Variants in ITSN1 observed in about 807,000 individuals in gnomAD.
ITSN1 encodes intersectin-1.
Under a neutral mutation model 239.8 loss-of-function variants are expected in ITSN1, and 58 were observed. That is an observed-to-expected ratio of 0.24 (90% CI 0.20 to 0.30). The LOEUF is 0.30. ITSN1 is among the 10% of genes least tolerant of loss of function. ITSN1 has a pLI of 1.00. For missense variants in ITSN1, 1,558 were observed against 2,103.3 expected (o/e 0.74, Z 5.07); for synonymous variants, 780 against 770.8 (o/e 1.01, Z -0.20).
At position 33,875,553 on chromosome 21, in the gene ITSN1, C is replaced by A; in HGVS notation, c.4341+32C>A. 8 of 1,601,138 alleles carry A rather than the reference C, an allele frequency of 5.0e-6. No individual in the cohort carries two copies. In the South Asian group the frequency reaches 8.9e-5, roughly 18 times the overall value. ...AACCTTGGGGCTGGGCCCTGGTCTCCCCCGGCAGAGCCTCGCCTGCCAGCC... is the reference window on the plus strand; with the variant it reads ...AACCTTGGGGCTGGGCCCTGGTCTCACCCGGCAGAGCCTCGCCTGCCAGCC... On this transcript the variant is annotated intron_variant, in intron 34 of 39. Transcript: ENST00000381318.
chr21:33,665,060 C>T (rs1164341965), intron 1 of ITSN1, among the ~76,000 whole-genome samples: 4 of 152,158 alleles, frequency 2.6e-5, no homozygotes, highest in East Asian at 3.9e-4. Context: ...GTCAGGAGTT[C>T]GAGACCAGCC....
At chr21:33,686,864 T>G (rs563869922) in intron 1 of ITSN1, among the ~76,000 whole-genome samples, 1 of 152,338 alleles carries the variant, frequency 6.6e-6, no homozygotes, top group East Asian at 1.9e-4. Context: ...TCAGTTTTTT[T>G]GGGTTCTCAT....
Position 33,750,261 on chromosome 21 carries a change from G to GC in ITSN1, c.472dup (p.Leu158ProfsTer3), listed in dbSNP as rs751926247. On this transcript the variant is annotated frameshift_variant, in exon 6 of 40. Coordinates refer to ENST00000381318, the MANE Select transcript of ITSN1 (RefSeq NM_003024.3). LOFTEE classifies it high-confidence loss of function. ...TATCTTCTGTTCCCACAGCAGCTGTGCCCCCCCTGGCTAACGGGGCTCCCC... is the reference window on the plus strand; with the variant it reads ...TATCTTCTGTTCCCACAGCAGCTGTGCCCCCCCCTGGCTAACGGGGCTCCCC... The GC allele has an allele frequency of 1.9e-6, 3 of 1,613,838 alleles. No individual in the cohort carries two copies. The highest frequency in any genetic ancestry group is 2.5e-6 in the Non-Finnish European group (3 of 1,179,942).
chr21:33,693,713 C>T (rs1057153090), intron 1 of ITSN1, among the ~76,000 whole-genome samples: 1 of 152,162 alleles, frequency 6.6e-6, no homozygotes, highest in Admixed American at 6.5e-5. Context: ...ATATAGCACT[C>T]CTAATTTAAA....
rs140356385 is a variant in ITSN1, at chr21:33,695,015, C to G, written c.-32-23782C>G. Among the ~76,000 whole-genome samples, 75 of 152,182 alleles carry G rather than the reference C, an allele frequency of 4.9e-4. 2 individuals carry two copies. In the East Asian group the frequency reaches 0.012, roughly 25 times the overall value. ...TTTATTTGTAGAGATGAGGTCTTAC[C>G]ATCTTTCCCAGCTGGTCTCAGACTT... On this transcript the variant is annotated intron_variant, in intron 1 of 39. Coordinates refer to ENST00000381318, the MANE Select transcript of ITSN1 (RefSeq NM_003024.3).
intron 1 of ITSN1, among the ~76,000 whole-genome samples, chr21:33,651,622 G>C (rs2088542289): frequency 6.6e-6 from 1 of 152,238 alleles, no homozygotes; most frequent in East Asian, 1.9e-4. Context: ...CAAATTAATT[G>C]AGGTTATGAA....
At chr21:33,827,554 A>G (rs898432698) in intron 26 of ITSN1, among the ~76,000 whole-genome samples, 7 of 152,190 alleles carry the variant, frequency 4.6e-5, no homozygotes, top group African/African-American at 9.7e-5. Flanking sequence ...TTTCATAACA[A>G]TGCATTCCCA....
Position 33,885,164 on chromosome 21 carries a change from G to A in ITSN1, c.4759+41G>A, listed in dbSNP as rs755754293. 12 of 1,523,118 alleles carry A rather than the reference G, an allele frequency of 7.9e-6. No homozygotes were observed. In the Admixed American group the frequency reaches 2.0e-4, roughly 26 times the overall value. 94.4% of individuals were successfully genotyped at this position (1,523,118 alleles called of 1,614,324 possible). On this transcript the variant is annotated intron_variant, in intron 37 of 39. Coordinates refer to ENST00000381318, the MANE Select transcript of ITSN1 (RefSeq NM_003024.3). ...GCGGGGTGTCCTGCACAGCTGGGCA[G>A]GAGGGAGGGCCATTTGGCTGGGCTG...
intron 16 of ITSN1, among the ~76,000 whole-genome samples, chr21:33,792,412 G>A (rs2071211884): frequency 6.6e-6 from 1 of 152,120 alleles, no homozygotes; most frequent in South Asian, 2.1e-4. Flanking sequence ...CTCCGTGTTA[G>A]CCATGGTGGC....
At chr21:33,700,605 T>G (rs1390398929) in intron 1 of ITSN1, among the ~76,000 whole-genome samples, 1 of 152,204 alleles carries the variant, frequency 6.6e-6, no homozygotes, top group Non-Finnish European at 1.5e-5. Flanking sequence ...ATACCCTTTC[T>G]ACCAACAGTA....
chr21:33,837,182 G>A lies in ITSN1; in HGVS notation c.3661+550G>A, dbSNP rs550840363. 1.6e-5 allele frequency: 21 copies of A among 1,322,904 alleles called. No homozygotes were observed. In the South Asian group the frequency reaches 2.7e-4, roughly 17 times the overall value. 81.9% of individuals were successfully genotyped at this position (1,322,904 alleles called of 1,614,324 possible). ...CATTTTACCTTAGTTGCATGTGATCGCAATGTTTGAGTTATTACTTGCAGA... is the reference window on the plus strand; with the variant it reads ...CATTTTACCTTAGTTGCATGTGATCACAATGTTTGAGTTATTACTTGCAGA... On this transcript the variant is annotated intron_variant, in intron 29 of 39. Transcript: ENST00000381318.
chr21:33,767,906 G>A (rs1163561172), intron 11 of ITSN1, 78 bp downstream of exon 11: 3 of 768,864 alleles, frequency 3.9e-6, no homozygotes, highest in Non-Finnish European at 6.4e-6. Context: ...GACAAAGATA[G>A]AGGTAAACAT....
At chr21:33,666,393 G>A (rs2089932009) in intron 1 of ITSN1, among the ~76,000 whole-genome samples, 1 of 152,172 alleles carries the variant, frequency 6.6e-6, no homozygotes, top group Non-Finnish European at 1.5e-5. Flanking sequence ...TGTCTGAGAT[G>A]TCACTGAATT....
intron 1 of ITSN1, among the ~76,000 whole-genome samples, chr21:33,717,774 A>G (rs2065247697): frequency 6.6e-6 from 1 of 151,902 alleles, no homozygotes; most frequent in Non-Finnish European, 1.5e-5. Context: ...TTACCGTGTT[A>G]GCTAGGATGG....
Position 33,643,073 on chromosome 21 carries a change from C to T in ITSN1, c.-33+360C>T, listed in dbSNP as rs542118618. On this transcript the variant is annotated intron_variant, in intron 1 of 39. Transcript: ENST00000381318. ...TCGCGGGGACCCCGGGCGGCCGCTC[C>T]TTCCCGGGCTGACCTCGCTGCCCTC... Among the ~76,000 whole-genome samples, 483 of 150,664 alleles carry T rather than the reference C, an allele frequency of 3.2e-3. 3 individuals are homozygous for T. The highest frequency in any genetic ancestry group is 0.011 in the African/African-American group (462 of 41,318).
At chr21:33,851,695 G>A (rs1978322296) in intron 29 of ITSN1, among the ~76,000 whole-genome samples, 1 of 150,126 alleles carries the variant, frequency 6.7e-6, no homozygotes, top group African/African-American at 2.4e-5. Flanking sequence ...CACTGCACCC[G>A]GCCTGGGCTC....
chr21:33,728,219 CCT>C (rs1376603329), intron 4 of ITSN1, among the ~76,000 whole-genome samples: 2 of 152,114 alleles, frequency 1.3e-5, no homozygotes, highest in African/African-American at 4.8e-5. Context: ...CCTGCCTCGG[CCT>C]CTCAAAGTGC....
chr21:33,731,361 G>A (rs949161433), intron 4 of ITSN1, among the ~76,000 whole-genome samples: 4 of 152,198 alleles, frequency 2.6e-5, no homozygotes, highest in African/African-American at 9.7e-5. Flanking sequence ...TAGTGTGCAT[G>A]TTGATGTTGA....
intron 35 of ITSN1, 43 bp from the exon 36 acceptor site, chr21:33,883,501 CACACAG>C: frequency 6.2e-7 from 1 of 1,604,670 alleles, no homozygotes; most frequent in Non-Finnish European, 8.5e-7. Context: ...TTTACCGGAG[CACACAG>C]ACCCCCAGCC....
Sources: allele counts gnomAD v4.1 joint callset (sites outside exome capture counted in the v4.1 genomes callset), GRCh38; gene constraint gnomAD v4.1.1; transcripts MANE v1.5; gene names NCBI Gene and HGNC (gene_info 2026-07-23, HGNC 2026-07-21).